The following MYT1 variants were observed in gnomAD, a reference collection of about 807,000 sequenced individuals.
MYT1 encodes myelin transcription factor 1.
MYT1 carries 23 observed loss-of-function variants against 123.0 expected under a neutral mutation model. The observed-to-expected ratio is 0.19, with a 90% CI of 0.13 to 0.26. MYT1 has a LOEUF of 0.26. Ranked by LOEUF, MYT1 falls within the 10% of genes least tolerant of loss-of-function variation. The pLI, the probability that MYT1 is intolerant of heterozygous loss-of-function variation, is 1.00. For synonymous variants in MYT1, 518 were observed against 575.3 expected, an observed-to-expected ratio of 0.90 and a Z score of 1.43; for missense variants, 1,125 against 1,472.5, an observed-to-expected ratio of 0.76 and a Z score of 3.86.
rs1470612146 is a variant in MYT1 at position 64,190,516 on chromosome 20, A to G, written c.-1+356A>G. On this transcript the variant is annotated intron_variant, in intron 2 of 22. Transcript: ENST00000328439. This position sits in a 1 kb window ranked among gnomAD's most constrained non-coding sequence, Gnocchi z 4.1. ...TGGTGAAACCCCGTCTTTACTAAAA[A>G]CACAAAAATTAGCCGGGCATGGTGG... 2.7e-5 allele frequency among the ~76,000 whole-genome samples: 4 copies of G among 150,284 alleles called. No homozygotes were observed. Among genetic ancestry groups the G allele is most frequent in the Admixed American group, 2.7e-4 (4 of 15,030 alleles).
At position 64,213,962 on chromosome 20, in the gene MYT1, G is replaced by A. The variant is rs1171553413; in HGVS notation, c.1631+315G>A. ...CTGCCTCCTTGGAGTCGTCTGATGTGACCACTTGAGGCCCCTTGGGGATTC... is the reference window on the plus strand; with the variant it reads ...CTGCCTCCTTGGAGTCGTCTGATGTAACCACTTGAGGCCCCTTGGGGATTC... On this transcript the variant is annotated intron_variant, in intron 10 of 22. Transcript: ENST00000328439. The surrounding 1 kb of genome is among the most constrained non-coding windows in gnomAD (Gnocchi z 5.6). Among the ~76,000 whole-genome samples, 1 of 152,178 alleles carries A rather than the reference G, an allele frequency of 6.6e-6. No homozygotes were observed. Among genetic ancestry groups the A allele is most frequent in the Non-Finnish European group, 1.5e-5 (1 of 68,046 alleles).
intron 1 of MYT1, among the ~76,000 whole-genome samples, chr20:64,183,744 A>C (rs1339234891): frequency 6.6e-6 from 1 of 152,138 alleles, no homozygotes; most frequent in Admixed American, 6.5e-5. Flanking sequence ...TCCAAATACA[A>C]GCTCTTTATC....
chr20:64,184,191 G>T (rs190726168), intron 1 of MYT1, among the ~76,000 whole-genome samples: 1 of 152,082 alleles, frequency 6.6e-6, no homozygotes, highest in South Asian at 2.1e-4. Flanking sequence ...TTCTTTAATG[G>T]CTTGTAGTGT....
intron 1 of MYT1, among the ~76,000 whole-genome samples, chr20:64,179,101 G>T (rs1008887876): frequency 3.3e-5 from 5 of 150,126 alleles, no homozygotes; most frequent in African/African-American, 1.2e-4. Flanking sequence ...CCGTTATTTG[G>T]TGAGATACCC....
rs1210516831 is a variant in MYT1, at chr20:64,192,300, A to C, written c.-1+2140A>C. 6.6e-6 allele frequency among the ~76,000 whole-genome samples: 1 copy of C among 152,226 alleles called. No homozygotes were observed. Among genetic ancestry groups the C allele is most frequent in the Admixed American group, 6.5e-5 (1 of 15,284 alleles). On this transcript the variant is annotated intron_variant, in intron 2 of 22. Transcript: ENST00000328439. The surrounding 1 kb of genome is among the most constrained non-coding windows in gnomAD (Gnocchi z 5.3). ...GCTAAGATGAAAAGTGTGCCAGAGA[A>C]GGCGAGAGGATGAGAAAGGGTCGAC...
chr20:64,179,758 C>T (rs972108851), intron 1 of MYT1, among the ~76,000 whole-genome samples: 1 of 151,952 alleles, frequency 6.6e-6, no homozygotes, highest in African/African-American at 2.4e-5. Flanking sequence ...GGTGTTGGGC[C>T]TCTAGTGGAC....
intron 7 of MYT1, among the ~76,000 whole-genome samples, chr20:64,209,079 A>G (rs956287795): frequency 1.3e-5 from 2 of 151,854 alleles, no homozygotes; most frequent in Non-Finnish European, 2.9e-5. Flanking sequence ...ATAGACAAGG[A>G]GGGCTGCTTG....
intron 1 of MYT1, among the ~76,000 whole-genome samples, chr20:64,173,160 C>A (rs1023392056): frequency 6.6e-6 from 1 of 152,076 alleles, no homozygotes; most frequent in Non-Finnish European, 1.5e-5. Flanking sequence ...TTCAGGCAGG[C>A]GAGTCCAGTT....
intron 19 of MYT1, among the ~76,000 whole-genome samples, chr20:64,236,313 C>G (rs542399574): frequency 1.4e-4 from 18 of 129,976 alleles, no homozygotes; most frequent in South Asian, 2.5e-4. Context: ...CTGGGATGGC[C>G]GCGGTGGGTG....
chr20:64,233,988 GA>G (rs1984421496), intron 19 of MYT1, among the ~76,000 whole-genome samples: 1 of 152,226 alleles, frequency 6.6e-6, no homozygotes, highest in African/African-American at 2.4e-5. Flanking sequence ...GAAGGCAGAG[GA>G]GAGACTAGAT....
At chr20:64,180,981 A>G (rs997172566) in intron 1 of MYT1, among the ~76,000 whole-genome samples, 2 of 152,110 alleles carry the variant, frequency 1.3e-5, no homozygotes, top group Admixed American at 6.6e-5. Flanking sequence ...TCCTGTGATC[A>G]GTGTTTTGCC....
intron 3 of MYT1, among the ~76,000 whole-genome samples, chr20:64,199,216 G>T (rs948293320): frequency 6.6e-6 from 1 of 152,164 alleles, no homozygotes; most frequent in Admixed American, 6.5e-5. Flanking sequence ...ATGAGAGGCC[G>T]CCAGCCTTCC....
rs1983012837 is a variant in MYT1, at chr20:64,193,176, G to T, written c.-1+3016G>T. Among the ~76,000 whole-genome samples the T allele has an allele frequency of 6.6e-6, 1 of 152,212 alleles. No homozygotes were observed. The highest frequency in any genetic ancestry group is 2.4e-5 in the African/African-American group (1 of 41,452). On this transcript the variant is annotated intron_variant, in intron 2 of 22. Transcript: ENST00000328439. This position sits in a 1 kb window ranked among gnomAD's most constrained non-coding sequence, Gnocchi z 4.0. The stretch of plus-strand genomic sequence containing the variant: ...CCAATGTGAGGACAGAACTATCTCT[G>T]CAAGGAACCAAGGGTACTGTGATGG...
rs1206450917 is a variant in MYT1, at chr20:64,232,335, G to A, written c.2847G>A (p.Pro949=). Residue 949 remains proline (P), a synonymous_variant, in exon 19 of 23, where the codon CCG becomes CCA. Coordinates refer to ENST00000328439, the MANE Select transcript of MYT1 (RefSeq NM_004535.3). The surrounding 1 kb of genome is among the most constrained non-coding windows in gnomAD (Gnocchi z 6.9). The part of the protein sequence containing the change: ...LKNEGPTCPT[P]GCDGSGHANG... ...ATGAAGGACCGACCTGCCCCACCCC[G>A]GGCTGTGACGGCTCTGGCCACGCCA... The A allele has an allele frequency of 7.4e-6, 12 of 1,612,878 alleles. No individual in the cohort carries two copies. Among genetic ancestry groups the A allele is most frequent in the South Asian group, 1.1e-5 (1 of 91,090 alleles).
At position 64,240,394 on chromosome 20, in the gene MYT1, G is replaced by C. The variant is rs773810314; in HGVS notation, c.3312G>C (p.Glu1104Asp). The C allele has an allele frequency of 5.0e-6, 8 of 1,614,006 alleles. No homozygotes were observed. Among genetic ancestry groups the C allele is most frequent in the East Asian group, 2.2e-5 (1 of 44,886 alleles). The change falls in exon 23 of 23, where the codon GAG becomes GAC. Residue 1104 changes from glutamate (E) to aspartate (D), a missense_variant. Glu to Asp is a conservative substitution (Grantham distance 45). Transcript: ENST00000328439. ...ACATGTACTCCAACCAGGACCCGGA[G>C]AACAAGGACCTCCTGGAGAGCATCA... Reference protein sequence around the residue: ...LTDMYSNQDPENKDLLESIKQ... With the variant: ...LTDMYSNQDPDNKDLLESIKQ...
intron 21 of MYT1, 36 bp downstream of exon 21, chr20:64,237,426 C>G: frequency 6.7e-7 from 1 of 1,483,352 alleles, no homozygotes; most frequent in Non-Finnish European, 9.2e-7. Flanking sequence ...GGGCTCTTTG[C>G]CCACCCAACC....
At chr20:64,195,334 G>A (rs370553724) in intron 2 of MYT1, among the ~76,000 whole-genome samples, 61 of 148,656 alleles carry the variant, frequency 4.1e-4, no homozygotes, top group African/African-American at 1.5e-3. Flanking sequence ...GCTGGTCTTC[G>A]TACCATGTCA....
At position 64,186,246 on chromosome 20, in the gene MYT1, G is replaced by C. The variant is rs896152798; in HGVS notation, c.-98-3817G>C. ...GCAGGACTCCAGGTGCAAAGATGCC[G>C]GGTCCCTAGAGAGGGGTCCCAGCCA... On this transcript the variant is annotated intron_variant, in intron 1 of 22. Coordinates refer to ENST00000328439, the MANE Select transcript of MYT1 (RefSeq NM_004535.3). This position sits in a 1 kb window ranked among gnomAD's most constrained non-coding sequence, Gnocchi z 4.3. 6.6e-6 allele frequency among the ~76,000 whole-genome samples: 1 copy of C among 152,148 alleles called. No homozygotes were observed.
At chr20:64,222,171 C>A (rs901228096) in intron 14 of MYT1, 124 bp downstream of exon 14, 2 of 1,062,432 alleles carry the variant, frequency 1.9e-6, no homozygotes, top group Non-Finnish European at 2.7e-6. Flanking sequence ...TCCTGACCAC[C>A]TCGAGCCAGG....
Sources: allele counts gnomAD v4.1 joint callset (sites outside exome capture counted in the v4.1 genomes callset), GRCh38; gene constraint gnomAD v4.1.1; non-coding constraint Gnocchi (gnomAD v3.1); transcripts MANE v1.5; gene names NCBI Gene and HGNC (gene_info 2026-07-23, HGNC 2026-07-21).